The following ADK variants were observed in gnomAD, a reference collection of about 807,000 sequenced individuals.
The protein encoded by ADK is N6,N6-dimethyladenosine kinase.
In ADK, 24 loss-of-function variants were observed where a neutral mutation model predicts 44.7. The observed-to-expected ratio is 0.54, with a 90% confidence interval of 0.39 to 0.76. The LOEUF (loss-of-function observed/expected upper bound fraction) is 0.76. ADK is among the 30% of genes least tolerant of loss of function. The probability of loss-of-function intolerance (pLI) is 0.00; values close to 1 mark genes in which losing one functional copy is unlikely to be tolerated. For missense variants in ADK, 321 were observed against 425.1 expected (o/e 0.76, Z 2.15); for synonymous variants, 128 against 142.6 (o/e 0.90, Z 0.73).
chr10:74,622,642 C>T (rs760296036), intron 9 of ADK, among the ~76,000 whole-genome samples: 1 of 152,016 alleles, frequency 6.6e-6, no homozygotes, highest in Non-Finnish European at 1.5e-5. Context: ...TTCTTCATAC[C>T]GCACTTTGGG....
chr10:74,595,777 AC>A (rs1851900735), intron 8 of ADK, among the ~76,000 whole-genome samples: 2 of 129,296 alleles, frequency 1.5e-5, no homozygotes, highest in Admixed American at 8.0e-5. Context: ...TGGGTGGATC[AC>A]CTGAGGTCAG....
At chr10:74,244,726 G>C (rs1845348895) in intron 3 of ADK, among the ~76,000 whole-genome samples, 1 of 152,016 alleles carries the variant, frequency 6.6e-6, no homozygotes, top group Non-Finnish European at 1.5e-5. Flanking sequence ...TTTTTTATGT[G>C]TTTGTAATTA....
chr10:74,178,714 T>C lies in ADK; in HGVS notation c.66-22050T>C, dbSNP rs534922638. Among the ~76,000 whole-genome samples, 16 of 152,356 alleles carry C rather than the reference T, an allele frequency of 1.1e-4. No homozygotes were observed. The East Asian group carries it at 2.7e-3, about 26-fold the overall frequency. On this transcript the variant is annotated intron_variant, in intron 1 of 10. Coordinates refer to ENST00000539909, the MANE Select transcript of ADK (RefSeq NM_006721.4). ...CCTTACTTGACATGTTTTGAAAGGA[T>C]GGATAACTGATAATAAAATTTATTT...
At chr10:74,510,907 C>T (rs1291429237) in intron 6 of ADK, among the ~76,000 whole-genome samples, 3 of 152,082 alleles carry the variant, frequency 2.0e-5, no homozygotes. Flanking sequence ...AGGGTTTCAC[C>T]ATGTTGTCGA....
At chr10:74,178,002 C>T (rs1167991820) in intron 1 of ADK, among the ~76,000 whole-genome samples, 2 of 147,034 alleles carry the variant, frequency 1.4e-5, no homozygotes, top group African/African-American at 2.5e-5. Context: ...AGTGCAATGG[C>T]GCGCTCTCTG....
intron 3 of ADK, among the ~76,000 whole-genome samples, chr10:74,237,987 G>A (rs952075542): frequency 1.3e-5 from 2 of 152,048 alleles, no homozygotes; most frequent in Admixed American, 6.6e-5. Flanking sequence ...CCAGCTACTC[G>A]GGAGGCTGAG....
chr10:74,308,579 A>G (rs914353928), intron 3 of ADK, among the ~76,000 whole-genome samples: 7 of 152,122 alleles, frequency 4.6e-5, no homozygotes, highest in African/African-American at 1.4e-4. Context: ...ACCTGTTTAG[A>G]ATGACTTATG....
At chr10:74,489,440 A>C (rs183821562) in intron 6 of ADK, among the ~76,000 whole-genome samples, 1 of 152,000 alleles carries the variant, frequency 6.6e-6, no homozygotes, top group East Asian at 1.9e-4. Context: ...GACTTGAACA[A>C]GGATACAGAT....
chr10:74,635,066 TA>T (rs2134077781), intron 9 of ADK, among the ~76,000 whole-genome samples: 1 of 152,316 alleles, frequency 6.6e-6, no homozygotes, highest in East Asian at 1.9e-4. Flanking sequence ...TGAGGCAAGA[TA>T]AATATTTGAT....
Position 74,472,228 on chromosome 10 carries a change from C to T in ADK, c.556-53028C>T, listed in dbSNP as rs138289388. Among the ~76,000 whole-genome samples the T allele has an allele frequency of 1.2e-3, 175 of 152,160 alleles. 3 individuals carry two copies. In the East Asian group the frequency reaches 0.028, roughly 24 times the overall value. On this transcript the variant is annotated intron_variant, in intron 6 of 10. Coordinates refer to ENST00000539909, the MANE Select transcript of ADK (RefSeq NM_006721.4). ...TAAAAAAAAGTGGCAAGGGGGGCAT[C>T]CTTGCTTTATTCATTGTCTTTGAGG...
intron 7 of ADK, among the ~76,000 whole-genome samples, chr10:74,564,070 A>G (rs553422389): frequency 1.5e-5 from 2 of 129,356 alleles, no homozygotes; most frequent in Non-Finnish European, 3.2e-5. Context: ...CAGTCCCCAG[A>G]GTGTGATGTT....
intron 9 of ADK, among the ~76,000 whole-genome samples, chr10:74,616,940 G>T (rs891841335): frequency 4.0e-5 from 6 of 151,802 alleles, no homozygotes; most frequent in Non-Finnish European, 7.4e-5. Context: ...TCTTTTGTAA[G>T]ATTCTTAGGT....
Position 74,312,914 on chromosome 10 carries a change from CAAAAA to C in ADK, c.195-1731_195-1727del, listed in dbSNP as rs56052959. ...GGATGAAAAAGGAAGATTCTGTCTC[CAAAAA>C]AAAAAAAAAAAAAAAAAAAAAGTTA... On this transcript the variant is annotated intron_variant, in intron 3 of 10. Transcript: ENST00000539909. 6.4e-3 allele frequency among the ~76,000 whole-genome samples: 241 copies of C among 37,830 alleles called. 2 individuals are homozygous for C. The highest frequency in any genetic ancestry group is 0.023 in the African/African-American group (232 of 10,212). 24.8% of individuals were successfully genotyped at this position (37,830 alleles called of 152,430 possible).
chr10:74,472,635 C>G (rs1462889987), intron 6 of ADK, among the ~76,000 whole-genome samples: 7 of 152,246 alleles, frequency 4.6e-5, no homozygotes, highest in Middle Eastern at 3.4e-3. Context: ...TAGCTACTAG[C>G]TACATGTGGC....
rs545991023 is a variant in ADK, at chr10:74,504,230, G to T, written c.556-21026G>T. On this transcript the variant is annotated intron_variant, in intron 6 of 10. Transcript: ENST00000539909. ...TTTTTAAAAAATAATTACTGTTGTT[G>T]TTTTTTTTTTAATATGTACCTCCTG... 2.0e-3 allele frequency among the ~76,000 whole-genome samples: 296 copies of T among 147,850 alleles called. 1 individual carries two copies. The highest frequency in any genetic ancestry group is 4.8e-3 in the African/African-American group (192 of 40,372).
chr10:74,491,648 T>A (rs1482935471), intron 6 of ADK, among the ~76,000 whole-genome samples: 2 of 152,194 alleles, frequency 1.3e-5, no homozygotes, highest in African/African-American at 2.4e-5. Flanking sequence ...CAGCTAAATT[T>A]TGTTATATCT....
At chr10:74,339,094 T>C (rs985072146) in intron 4 of ADK, among the ~76,000 whole-genome samples, 1 of 152,160 alleles carries the variant, frequency 6.6e-6, no homozygotes, top group Non-Finnish European at 1.5e-5. Flanking sequence ...GCTAGGACTA[T>C]AGGTGCATGC....
intron 10 of ADK, among the ~76,000 whole-genome samples, chr10:74,693,008 G>A (rs765634819): frequency 1.3e-5 from 2 of 152,156 alleles, no homozygotes; most frequent in Non-Finnish European, 1.5e-5. Flanking sequence ...CAAGGAGAGA[G>A]GGATGAATAG....
At chr10:74,444,700 T>G (rs952804051) in intron 6 of ADK, among the ~76,000 whole-genome samples, 8 of 152,070 alleles carry the variant, frequency 5.3e-5, no homozygotes, top group Non-Finnish European at 8.8e-5. Flanking sequence ...AGCCATTTCT[T>G]TTTATTTCAG....
Sources: allele counts gnomAD v4.1 joint callset (sites outside exome capture counted in the v4.1 genomes callset), GRCh38; gene constraint gnomAD v4.1.1; transcripts MANE v1.5; gene names NCBI Gene and HGNC (gene_info 2026-07-23, HGNC 2026-07-21).